ADCY8: variants seen among roughly 807,000 people sequenced by gnomAD.
ADCY8 encodes adenylate cyclase 8.
ADCY8 carries 51 observed loss-of-function variants against 119.7 expected under a neutral mutation model. That is an observed-to-expected ratio of 0.43 (90% CI 0.34 to 0.54). ADCY8 has a LOEUF of 0.54. ADCY8 is among the 20% of genes least tolerant of loss of function. The pLI, the probability that ADCY8 is intolerant of heterozygous loss-of-function variation, is 0.03. For missense variants in ADCY8, 1,383 were observed against 1,598.8 expected (o/e 0.87, Z 2.30); for synonymous variants, 665 against 651.0 (o/e 1.02, Z -0.33).
At chr8:130,857,385 C>A (rs1817778680) in intron 9 of ADCY8, among the ~76,000 whole-genome samples, 3 of 152,114 alleles carry the variant, frequency 2.0e-5, no homozygotes, top group Non-Finnish European at 1.5e-5. Context: ...ACAGTTTAGT[C>A]TCATCCATTT....
chr8:130,865,285 G>C (rs1818077195), intron 9 of ADCY8, among the ~76,000 whole-genome samples: 1 of 151,858 alleles, frequency 6.6e-6, no homozygotes, highest in Non-Finnish European at 1.5e-5. Flanking sequence ...AGTAATTTTT[G>C]CTGCGTTTAT....
chr8:131,020,165 T>C (rs1823619249), intron 1 of ADCY8, among the ~76,000 whole-genome samples: 1 of 152,110 alleles, frequency 6.6e-6, no homozygotes. Context: ...AGGAAAGAAT[T>C]TGTCCTCTGT....
intron 7 of ADCY8, chr8:130,892,905 G>A (rs1008316061): frequency 1.3e-5 from 2 of 152,146 alleles, no homozygotes; most frequent in East Asian, 1.9e-4. Context: ...CTTGGGTCAA[G>A]TGGGGTCTGA....
intron 12 of ADCY8, among the ~76,000 whole-genome samples, chr8:130,824,601 GACGAATTC>G (rs1229017897): frequency 2.0e-5 from 3 of 152,208 alleles, no homozygotes; most frequent in African/African-American, 7.2e-5. Flanking sequence ...TGGATACATG[GACGAATTC>G]ACGAAGGTCG....
At chr8:130,989,596 A>G (rs1822512632) in intron 2 of ADCY8, among the ~76,000 whole-genome samples, 1 of 152,218 alleles carries the variant, frequency 6.6e-6, no homozygotes, top group Non-Finnish European at 1.5e-5. Flanking sequence ...AGGATGCTAC[A>G]AGTTGATGCT....
chr8:130,881,167 A>G (rs562286777), intron 8 of ADCY8, among the ~76,000 whole-genome samples: 1 of 152,324 alleles, frequency 6.6e-6, no homozygotes, highest in Admixed American at 6.5e-5. Flanking sequence ...CACAAAAAAT[A>G]TCCTGAAAAC....
chr8:130,819,835 A>G (rs1816453369), intron 13 of ADCY8, among the ~76,000 whole-genome samples: 1 of 152,244 alleles, frequency 6.6e-6, no homozygotes. Context: ...GTGTTTCATC[A>G]TAATTTTAGC....
chr8:130,816,147 A>C (rs921737104), intron 13 of ADCY8, among the ~76,000 whole-genome samples: 1 of 152,226 alleles, frequency 6.6e-6, no homozygotes, highest in Non-Finnish European at 1.5e-5. Context: ...AAGTATGAAA[A>C]GACCATATGC....
chr8:130,880,067 C>A (rs1186820784), intron 8 of ADCY8, among the ~76,000 whole-genome samples: 2 of 152,178 alleles, frequency 1.3e-5, no homozygotes, highest in Non-Finnish European at 2.9e-5. Context: ...CTGCTGCCAG[C>A]CACATAAGAT....
intron 8 of ADCY8, among the ~76,000 whole-genome samples, chr8:130,873,288 C>G (rs1818432470): frequency 6.6e-6 from 1 of 151,884 alleles, no homozygotes; most frequent in African/African-American, 2.4e-5. Context: ...AAACAATTAT[C>G]TAGTTAATTG....
chr8:131,006,181 G>A (rs1823113040), intron 1 of ADCY8, among the ~76,000 whole-genome samples: 1 of 152,146 alleles, frequency 6.6e-6, no homozygotes, highest in African/African-American at 2.4e-5. Context: ...CCAGCAAACT[G>A]TTATCATACT....
chr8:130,906,392 C>T (rs1050696265), intron 6 of ADCY8, among the ~76,000 whole-genome samples: 3 of 152,178 alleles, frequency 2.0e-5, no homozygotes, highest in Non-Finnish European at 2.9e-5. Flanking sequence ...CCCCTTTTAG[C>T]ATTTCTCTGG....
intron 1 of ADCY8, among the ~76,000 whole-genome samples, chr8:131,028,427 A>G (rs1017198424): frequency 6.6e-6 from 1 of 152,176 alleles, no homozygotes; most frequent in Non-Finnish European, 1.5e-5. Flanking sequence ...CTCATTCTCA[A>G]ATGAACTACC....
intron 8 of ADCY8, 113 bp from the exon 9 acceptor site, chr8:130,868,059 A>C: frequency 1.5e-6 from 1 of 651,642 alleles, no homozygotes; most frequent in Non-Finnish European, 2.5e-6. Flanking sequence ...ATTAAGAATA[A>C]TTCATATCTT....
intron 8 of ADCY8, among the ~76,000 whole-genome samples, 166 bp downstream of exon 8, chr8:130,884,398 A>G (rs1041554727): frequency 1.3e-5 from 2 of 152,204 alleles, no homozygotes; most frequent in African/African-American, 4.8e-5. Context: ...CATGACCTTC[A>G]GTCTACTCAT....
At chr8:130,870,673 G>A (rs1034318540) in intron 8 of ADCY8, among the ~76,000 whole-genome samples, 3 of 152,104 alleles carry the variant, frequency 2.0e-5, no homozygotes, top group Admixed American at 6.5e-5. Context: ...TAGATCCCAA[G>A]CCTGAGTCTC....
At chr8:130,847,543 A>G (rs1310801258) in intron 10 of ADCY8, 30 bp from the exon 11 acceptor site, 2 of 1,517,030 alleles carry the variant, frequency 1.3e-6, no homozygotes, top group African/African-American at 1.4e-5. Context: ...AAAAAAGAAC[A>G]ACAAAAACAA....
chr8:130,978,101 A>C (rs1308478469), intron 2 of ADCY8, among the ~76,000 whole-genome samples: 1 of 152,208 alleles, frequency 6.6e-6, no homozygotes, highest in Non-Finnish European at 1.5e-5. Context: ...TGAGAAACTG[A>C]AAATGACTAT....
intron 8 of ADCY8, among the ~76,000 whole-genome samples, chr8:130,872,642 C>G (rs568053021): frequency 6.6e-6 from 1 of 152,306 alleles, no homozygotes; most frequent in East Asian, 1.9e-4. Context: ...AATGCCACTG[C>G]TATATTTTCC....
Sources: allele counts gnomAD v4.1 joint callset (sites outside exome capture counted in the v4.1 genomes callset), GRCh38; gene constraint gnomAD v4.1.1; transcripts MANE v1.5; gene names NCBI Gene and HGNC (gene_info 2026-07-23, HGNC 2026-07-21).